Variants in NUP133 observed in about 807,000 individuals in gnomAD.
NUP133 encodes nuclear pore complex protein Nup133.
In NUP133, 66 loss-of-function variants were observed where a neutral mutation model predicts 146.2. The ratio of observed to expected loss-of-function variants is 0.45; its 90% CI spans 0.37 to 0.55. The LOEUF (loss-of-function observed/expected upper bound fraction) is 0.55, where lower values mean the gene tolerates loss of function less well. NUP133 is among the 20% of genes least tolerant of loss of function. NUP133 has a pLI of 0.00. For synonymous variants in NUP133, 521 were observed against 498.8 expected, an observed-to-expected ratio of 1.04 and a Z score of -0.59; for missense variants, 1,277 against 1,374.8, an observed-to-expected ratio of 0.93 and a Z score of 1.12.
At chr1:229,496,115 A>C in intron 6 of NUP133, 68 bp from the exon 7 acceptor site, 1 of 1,251,056 alleles carries the variant, frequency 8.0e-7, no homozygotes, top group Non-Finnish European at 1.1e-6. Flanking sequence ...TATTGTTTTA[A>C]AAGTCAAATT....
At chr1:229,484,944 AACT>A (rs1181576947) in intron 11 of NUP133, among the ~76,000 whole-genome samples, 1 of 152,166 alleles carries the variant, frequency 6.6e-6, no homozygotes, top group East Asian at 1.9e-4. Context: ...TTTCCTTTAA[AACT>A]ACACTTAATC....
In NUP133 at chr1:229,442,121, C is replaced by T. The variant is rs571978216; in HGVS notation, c.3335-81G>A. ...ATTCTGATGATTGATGACAAAAGCACCTGTGCTTCTATTTAAATATAACGT... is the reference window on the plus strand; with the variant it reads ...ATTCTGATGATTGATGACAAAAGCATCTGTGCTTCTATTTAAATATAACGT... On this transcript the variant is annotated intron_variant, in intron 25 of 25. Coordinates refer to ENST00000261396, the MANE Select transcript of NUP133 (RefSeq NM_018230.3). 24 of 1,337,752 alleles carry T rather than the reference C, an allele frequency of 1.8e-5. No individual in the cohort carries two copies. The South Asian group carries it at 2.8e-4, about 16-fold the overall frequency. The allele number at this position is 1,337,752 out of a possible 1,614,324, so 82.9% of individuals were successfully genotyped here. A position where few individuals can be genotyped will look rare whatever the true frequency, so the allele number is the denominator to read the frequency against.
chr1:229,487,838 ATT>A (rs10565327), intron 9 of NUP133, among the ~76,000 whole-genome samples: 4,034 of 118,060 alleles, frequency 0.034, 123 homozygotes, highest in African/African-American at 0.12. Flanking sequence ...TGCTTTTTTA[ATT>A]TTTTTTTTTT....
intron 12 of NUP133, among the ~76,000 whole-genome samples, chr1:229,482,168 C>G (rs1661228473): frequency 6.6e-6 from 1 of 152,050 alleles, no homozygotes; most frequent in South Asian, 2.1e-4. Flanking sequence ...CCTAATGGTG[C>G]CCCCTTCTGG....
intron 17 of NUP133, among the ~76,000 whole-genome samples, chr1:229,465,158 G>T (rs147858208): frequency 6.6e-6 from 1 of 152,132 alleles, no homozygotes; most frequent in African/African-American, 2.4e-5. Context: ...CCATACCTCC[G>T]GGGCCAGGAC....
At chr1:229,450,954 C>T (rs1390423533) in intron 22 of NUP133, 1 of 154,674 alleles carries the variant, frequency 6.5e-6, no homozygotes, top group African/African-American at 2.4e-5. Flanking sequence ...AAACTCCTGA[C>T]TTCAAGTGAT....
intron 4 of NUP133, 103 bp downstream of exon 4, chr1:229,500,653 A>C: frequency 4.7e-6 from 3 of 639,978 alleles, no homozygotes; most frequent in Non-Finnish European, 8.0e-6. Flanking sequence ...CTTGATTTCT[A>C]TAGGTTTATA....
At chr1:229,452,719 A>G in intron 21 of NUP133, 76 bp from the exon 22 acceptor site, 2 of 1,086,406 alleles carry the variant, frequency 1.8e-6, no homozygotes, top group Non-Finnish European at 2.7e-6. Context: ...GCTGTCATAA[A>G]ACAAATCTGA....
intron 24 of NUP133, among the ~76,000 whole-genome samples, chr1:229,446,052 G>A (rs891716412): frequency 7.2e-5 from 11 of 152,074 alleles, no homozygotes; most frequent in African/African-American, 2.7e-4. Flanking sequence ...TCATTGAATC[G>A]TAACATAAAC....
At chr1:229,450,726 T>A in intron 22 of NUP133, 121 bp from the exon 23 acceptor site, 1 of 502,288 alleles carries the variant, frequency 2.0e-6, no homozygotes, top group Non-Finnish European at 3.5e-6. Flanking sequence ...TTTGTTTGTT[T>A]GTTTGTTTGT....
At chr1:229,450,286 GTATT>G (rs1257541896) in intron 23 of NUP133, among the ~76,000 whole-genome samples, 1 of 152,170 alleles carries the variant, frequency 6.6e-6, no homozygotes, top group Admixed American at 6.5e-5. Flanking sequence ...TTGAAAAGCA[GTATT>G]TATCTGTGCA....
At chr1:229,465,652 A>G (rs1660793849) in intron 16 of NUP133, 133 bp from the exon 17 acceptor site, 1 of 697,766 alleles carries the variant, frequency 1.4e-6, no homozygotes, top group African/African-American at 1.8e-5. Flanking sequence ...TCACACCTGT[A>G]ATCCCAGTGC....
At chr1:229,462,328 G>A (rs1317522957) in intron 19 of NUP133, among the ~76,000 whole-genome samples, 1 of 152,156 alleles carries the variant, frequency 6.6e-6, no homozygotes, top group Non-Finnish European at 1.5e-5. Flanking sequence ...AAACATGTTT[G>A]TTTATAATAC....
intron 14 of NUP133, 106 bp from the exon 15 acceptor site, chr1:229,470,910 C>T: frequency 2.2e-6 from 2 of 911,130 alleles, no homozygotes; most frequent in Non-Finnish European, 3.4e-6. Context: ...CTGGCCCCAG[C>T]TTTCCCCCAG....
chr1:229,448,031 C>A (rs931481219), intron 24 of NUP133, among the ~76,000 whole-genome samples: 4 of 152,222 alleles, frequency 2.6e-5, no homozygotes, highest in African/African-American at 9.6e-5. Context: ...GCTCATTATA[C>A]ACTAATTACA....
At chr1:229,456,789 TTATG>T (rs1267402886) in intron 21 of NUP133, among the ~76,000 whole-genome samples, 1 of 152,020 alleles carries the variant, frequency 6.6e-6, no homozygotes, top group Non-Finnish European at 1.5e-5. Flanking sequence ...ACACATTTTA[TTATG>T]TATATCTATC....
At position 229,468,219 on chromosome 1, in the gene NUP133, G is replaced by A. The variant is rs1047708022; in HGVS notation, c.2077-1463C>T. Among the ~76,000 whole-genome samples the A allele has an allele frequency of 2.6e-5, 4 of 151,982 alleles. No individual in the cohort carries two copies. The East Asian group carries it at 5.8e-4, about 22-fold the overall frequency. ...ATCAGGGCTGCCAAGTCAAAATATC[G>A]TTCTATATGGCCCACCAATCAGAGA... On this transcript the variant is annotated intron_variant, in intron 15 of 25. Coordinates refer to ENST00000261396, the MANE Select transcript of NUP133 (RefSeq NM_018230.3).
chr1:229,494,408 A>G (rs1010280465), intron 8 of NUP133, among the ~76,000 whole-genome samples: 1 of 152,210 alleles, frequency 6.6e-6, no homozygotes, highest in Non-Finnish European at 1.5e-5. Flanking sequence ...ATATCCCTCC[A>G]AGGAACACGT....
At chr1:229,474,827 G>A (rs1396303916) in intron 14 of NUP133, among the ~76,000 whole-genome samples, 7 of 152,156 alleles carry the variant, frequency 4.6e-5, no homozygotes, top group Admixed American at 4.6e-4. Flanking sequence ...AAGAGACTGG[G>A]CCTGGTAGCT....
Sources: allele counts gnomAD v4.1 joint callset (sites outside exome capture counted in the v4.1 genomes callset), GRCh38; gene constraint gnomAD v4.1.1; transcripts MANE v1.5; gene names NCBI Gene and HGNC (gene_info 2026-07-23, HGNC 2026-07-21).